The following HIBADH variants were observed in gnomAD, a reference collection of about 807,000 sequenced individuals.
HIBADH encodes the protein 3-hydroxyisobutyrate dehydrogenase, mitochondrial.
In HIBADH, 25 loss-of-function variants were observed where a neutral mutation model predicts 36.1. That is an observed-to-expected ratio of 0.69 (90% CI 0.50 to 0.97). HIBADH has a LOEUF of 0.97. Ranked by LOEUF, HIBADH falls within the 50% of genes least tolerant of loss-of-function variation. The probability of loss-of-function intolerance (pLI) is 0.00; values close to 1 mark genes in which losing one functional copy is unlikely to be tolerated. For missense variants in HIBADH, 421 were observed against 418.0 expected (o/e 1.01, Z -0.06); for synonymous variants, 160 against 149.5 (o/e 1.07, Z -0.51).
At chr7:27,528,573 G>A (rs1783947438) in intron 7 of HIBADH, among the ~76,000 whole-genome samples, 1 of 152,158 alleles carries the variant, frequency 6.6e-6, no homozygotes, top group Non-Finnish European at 1.5e-5. Context: ...CCCAGAACAA[G>A]GCCCTAACTT....
intron 6 of HIBADH, among the ~76,000 whole-genome samples, chr7:27,536,534 T>TA (rs1336485265): frequency 6.6e-6 from 1 of 152,132 alleles, no homozygotes; most frequent in Non-Finnish European, 1.5e-5. Context: ...TCTGCTCTCT[T>TA]ACATCTCTAT....
At chr7:27,662,104 A>G (rs921498708) in intron 1 of HIBADH, among the ~76,000 whole-genome samples, 2 of 152,182 alleles carry the variant, frequency 1.3e-5, no homozygotes, top group African/African-American at 4.8e-5. Flanking sequence ...TTTGACAAAA[A>G]TGACATTTTT....
intron 6 of HIBADH, among the ~76,000 whole-genome samples, chr7:27,532,496 T>C (rs1443184000): frequency 2.6e-5 from 4 of 152,162 alleles, no homozygotes; most frequent in African/African-American, 9.7e-5. Context: ...CAATAAAACA[T>C]TTTTTCAGAT....
At chr7:27,635,323 C>A (rs773350344) in intron 2 of HIBADH, among the ~76,000 whole-genome samples, 3 of 152,098 alleles carry the variant, frequency 2.0e-5, no homozygotes, top group Non-Finnish European at 2.9e-5. Flanking sequence ...CCTTTAGAAG[C>A]CAAACTAATT....
chr7:27,620,100 G>T (rs75533347), intron 4 of HIBADH, among the ~76,000 whole-genome samples: 1 of 152,078 alleles, frequency 6.6e-6, no homozygotes, highest in Non-Finnish European at 1.5e-5. Context: ...GTGGAGGAGC[G>T]CTTGAGCCCA....
chr7:27,546,935 G>A (rs1784243073), intron 4 of HIBADH, among the ~76,000 whole-genome samples: 1 of 152,096 alleles, frequency 6.6e-6, no homozygotes, highest in Non-Finnish European at 1.5e-5. Flanking sequence ...TTCTCCTCTT[G>A]TCTCTGTAGT....
At chr7:27,593,314 G>A (rs1290880537) in intron 4 of HIBADH, among the ~76,000 whole-genome samples, 3 of 152,012 alleles carry the variant, frequency 2.0e-5, no homozygotes, top group African/African-American at 4.8e-5. Context: ...AATCCAAAAC[G>A]CTTCAGGTCC....
chr7:27,540,492 T>C (rs1236427111), intron 5 of HIBADH, among the ~76,000 whole-genome samples: 2 of 152,226 alleles, frequency 1.3e-5, no homozygotes, highest in African/African-American at 4.8e-5. Context: ...GGCCCTGCCA[T>C]AAATCCTGTG....
chr7:27,586,654 AAGG>A (rs540391385), intron 4 of HIBADH, among the ~76,000 whole-genome samples: 220 of 152,064 alleles, frequency 1.4e-3, no homozygotes, highest in African/African-American at 4.7e-3. Context: ...GAAGAAGAAA[AAGG>A]AGGAGGAGGA....
At chr7:27,598,892 T>A (rs907934484) in intron 4 of HIBADH, among the ~76,000 whole-genome samples, 27 of 150,950 alleles carry the variant, frequency 1.8e-4, no homozygotes, top group African/African-American at 4.9e-4. Flanking sequence ...AACCTACAAA[T>A]ACCAACAAAG....
At chr7:27,588,624 C>T (rs1044770857) in intron 4 of HIBADH, among the ~76,000 whole-genome samples, 5 of 152,206 alleles carry the variant, frequency 3.3e-5, no homozygotes, top group Middle Eastern at 3.2e-3. Context: ...AGCCACCACA[C>T]CTGGCCCAGT....
chr7:27,532,661 T>C (rs1373472513), intron 6 of HIBADH, among the ~76,000 whole-genome samples: 2 of 152,228 alleles, frequency 1.3e-5, no homozygotes, highest in Non-Finnish European at 2.9e-5. Context: ...GCCCATGTTA[T>C]AGTGATGGAT....
intron 4 of HIBADH, among the ~76,000 whole-genome samples, chr7:27,601,600 A>G (rs1397818135): frequency 6.6e-6 from 1 of 152,142 alleles, no homozygotes; most frequent in African/African-American, 2.4e-5. Context: ...GTAATGTTGG[A>G]AAATAAAAAT....
chr7:27,598,948 T>C (rs768383492), intron 4 of HIBADH, among the ~76,000 whole-genome samples: 2 of 144,382 alleles, frequency 1.4e-5, no homozygotes, highest in African/African-American at 2.6e-5. Context: ...ATGTACTGAG[T>C]GAGCACTGAA....
chr7:27,662,238 A>C (rs1016825457), intron 1 of HIBADH, among the ~76,000 whole-genome samples: 2 of 152,156 alleles, frequency 1.3e-5, no homozygotes, highest in African/African-American at 4.8e-5. Context: ...CCTCGGACTC[A>C]GGTGGTTAAA....
intron 4 of HIBADH, among the ~76,000 whole-genome samples, chr7:27,586,369 AGAAG>A (rs1163002988): frequency 1.4e-5 from 2 of 138,566 alleles, no homozygotes; most frequent in African/African-American, 2.6e-5. Flanking sequence ...AGGGAGAGAG[AGAAG>A]GAAGGAAGGA....
intron 4 of HIBADH, among the ~76,000 whole-genome samples, chr7:27,605,968 ACCT>A (rs1177018091): frequency 6.6e-6 from 1 of 152,054 alleles, no homozygotes; most frequent in Non-Finnish European, 1.5e-5. Flanking sequence ...GACTACTCTA[ACCT>A]CCTCCCAAAC....
chr7:27,570,494 T>C (rs1232357258), intron 4 of HIBADH, among the ~76,000 whole-genome samples: 1 of 152,152 alleles, frequency 6.6e-6, no homozygotes, highest in African/African-American at 2.4e-5. Flanking sequence ...GGCAAAACTA[T>C]GGTATCAGAA....
intron 2 of HIBADH, among the ~76,000 whole-genome samples, chr7:27,635,278 C>T (rs1785819697): frequency 1.3e-5 from 2 of 152,242 alleles, no homozygotes; most frequent in East Asian, 1.9e-4. Context: ...AAAAACAAAC[C>T]AACCTTGTTG....
Sources: allele counts gnomAD v4.1 joint callset (sites outside exome capture counted in the v4.1 genomes callset), GRCh38; gene constraint gnomAD v4.1.1; transcripts MANE v1.5; gene names NCBI Gene and HGNC (gene_info 2026-07-23, HGNC 2026-07-21).